Variants in PIEZO2 observed in about 807,000 individuals in gnomAD.
PIEZO2 encodes piezo type mechanosensitive ion channel component 2.
PIEZO2 carries 172 observed loss-of-function variants against 337.3 expected under a neutral mutation model. The ratio of observed to expected loss-of-function variants is 0.51; its 90% CI spans 0.45 to 0.58. PIEZO2 has a LOEUF of 0.58. PIEZO2 is among the 20% of genes least tolerant of loss of function. The pLI, the probability that PIEZO2 is intolerant of heterozygous loss-of-function variation, is 0.00. For missense variants in PIEZO2, 3,028 were observed against 3,391.3 expected (o/e 0.89, Z 2.66); for synonymous variants, 1,251 against 1,228.5 (o/e 1.02, Z -0.38).
At chr18:10,796,456 T>C (rs1330649260) in intron 12 of PIEZO2, among the ~76,000 whole-genome samples, 2 of 152,152 alleles carry the variant, frequency 1.3e-5, no homozygotes, top group Non-Finnish European at 2.9e-5. Flanking sequence ...TCTCACTATC[T>C]GAAACGAATA....
intron 1 of PIEZO2, among the ~76,000 whole-genome samples, chr18:11,103,255 T>C (rs2039471145): frequency 6.6e-6 from 1 of 152,214 alleles, no homozygotes; most frequent in Non-Finnish European, 1.5e-5. Flanking sequence ...ATACAATAAT[T>C]TTGATGACCT....
chr18:11,025,274 C>G (rs1285011653), intron 2 of PIEZO2, among the ~76,000 whole-genome samples: 1 of 152,106 alleles, frequency 6.6e-6, no homozygotes, highest in African/African-American at 2.4e-5. Flanking sequence ...GTGTCTTTTA[C>G]AAAGTGAGTC....
intron 1 of PIEZO2, among the ~76,000 whole-genome samples, chr18:11,137,982 T>A (rs1311478310): frequency 1.3e-5 from 2 of 152,104 alleles, no homozygotes; most frequent in Non-Finnish European, 2.9e-5. Context: ...TAAAAGGTGT[T>A]AATTGCCATC....
At position 11,116,586 on chromosome 18, in the gene PIEZO2, G is replaced by A. The variant is rs186901178; in HGVS notation, c.64+31939C>T. Among the ~76,000 whole-genome samples, 2,761 of 152,144 alleles carry A rather than the reference G, an allele frequency of 0.018. 37 individuals carry two copies. The highest frequency in any genetic ancestry group is 0.028 in the Non-Finnish European group (1,888 of 67,986). ...AAAAATTAGCCGGGCGTGGTGGCGGGGGGCCTGTAGTCCCAGCTACTCGGG... is the reference window on the plus strand; with the variant it reads ...AAAAATTAGCCGGGCGTGGTGGCGGAGGGCCTGTAGTCCCAGCTACTCGGG... On this transcript the variant is annotated intron_variant, in intron 1 of 55. Coordinates refer to ENST00000674853, the MANE Select transcript of PIEZO2 (RefSeq NM_001378183.1). The surrounding 1 kb of genome is among the most constrained non-coding windows in gnomAD (Gnocchi z 5.0).
intron 2 of PIEZO2, among the ~76,000 whole-genome samples, chr18:11,062,795 C>G (rs1393156467): frequency 6.6e-6 from 1 of 152,130 alleles, no homozygotes; most frequent in Non-Finnish European, 1.5e-5. Flanking sequence ...AATAGGAACA[C>G]TTTTACACTG....
rs1240209430 is a variant in PIEZO2, at chr18:11,028,210, C to T, written c.160+37917G>A. ...AGTAAGGAAGCTAGGCTTTTCTGTA[C>T]ATCGCCTTCTTTCTTTTCTTTTCTT... On this transcript the variant is annotated intron_variant, in intron 2 of 55. Coordinates refer to ENST00000674853, the MANE Select transcript of PIEZO2 (RefSeq NM_001378183.1). The surrounding 1 kb of genome is among the most constrained non-coding windows in gnomAD (Gnocchi z 4.8). Among the ~76,000 whole-genome samples, 1 of 152,166 alleles carries T rather than the reference C, an allele frequency of 6.6e-6. No homozygotes were observed. Among genetic ancestry groups the T allele is most frequent in the South Asian group, 2.1e-4 (1 of 4,826 alleles).
Position 11,132,050 on chromosome 18 carries a change from T to G in PIEZO2, c.64+16475A>C, listed in dbSNP as rs911620583. Among the ~76,000 whole-genome samples the G allele has an allele frequency of 1.2e-4, 19 of 152,174 alleles. No individual in the cohort carries two copies. Among genetic ancestry groups the G allele is most frequent in the Admixed American group, 5.9e-4 (9 of 15,288 alleles). On this transcript the variant is annotated intron_variant, in intron 1 of 55. Coordinates refer to ENST00000674853, the MANE Select transcript of PIEZO2 (RefSeq NM_001378183.1). This position sits in a 1 kb window ranked among gnomAD's most constrained non-coding sequence, Gnocchi z 4.7. ...AGAGACCAATACTGAGCCCTCGATA[T>G]GTCACCTTTCCTCAGGGTGATCAGC...
intron 8 of PIEZO2, among the ~76,000 whole-genome samples, chr18:10,806,062 T>C (rs1352895307): frequency 6.6e-6 from 1 of 152,232 alleles, no homozygotes; most frequent in African/African-American, 2.4e-5. Flanking sequence ...TCAGATCCAG[T>C]TGGCCTTCCA....
intron 2 of PIEZO2, among the ~76,000 whole-genome samples, chr18:10,990,674 A>G (rs1160899943): frequency 6.6e-6 from 1 of 151,442 alleles, no homozygotes; most frequent in Non-Finnish European, 1.5e-5. Context: ...TGCTCAATAT[A>G]TGTATATTAT....
At position 10,833,591 on chromosome 18, in the gene PIEZO2, C is replaced by T. The variant is rs111958484; in HGVS notation, c.917+21762G>A. 2.1e-3 allele frequency among the ~76,000 whole-genome samples: 323 copies of T among 152,342 alleles called. 1 individual carries two copies. Among genetic ancestry groups the T allele is most frequent in the African/African-American group, 7.1e-3 (297 of 41,582 alleles). On this transcript the variant is annotated intron_variant, in intron 7 of 55. Transcript: ENST00000674853. This position sits in a 1 kb window ranked among gnomAD's most constrained non-coding sequence, Gnocchi z 4.7. ...TGTACAGCCCAAACTGCACCTGAAC[C>T]ACGCAAGCTGTGAGGACCTCACCTC...
chr18:11,054,940 G>A (rs1206187114), intron 2 of PIEZO2, among the ~76,000 whole-genome samples: 1 of 152,106 alleles, frequency 6.6e-6, no homozygotes, highest in African/African-American at 2.4e-5. Context: ...AGCCAGGCAC[G>A]GTGGCTCACG....
rs2035631524 is a variant in PIEZO2, at chr18:10,707,447, C to T, written c.5588+828G>A. ...TGCAGGGATGCACCGAGATACACGG[C>T]TGCCAGTGAAAAGAAGATGCCCTCT... On this transcript the variant is annotated intron_variant, in intron 40 of 55. Coordinates refer to ENST00000674853, the MANE Select transcript of PIEZO2 (RefSeq NM_001378183.1). The surrounding 1 kb of genome is among the most constrained non-coding windows in gnomAD (Gnocchi z 4.2). Among the ~76,000 whole-genome samples the T allele has an allele frequency of 6.6e-6, 1 of 152,146 alleles. No homozygotes were observed. Among genetic ancestry groups the T allele is most frequent in the African/African-American group, 2.4e-5 (1 of 41,434 alleles).
rs78239201 is a variant in PIEZO2, at chr18:10,962,158, C to T, written c.286+17377G>A. 0.019 allele frequency among the ~76,000 whole-genome samples: 2,822 copies of T among 152,222 alleles called. 104 individuals are homozygous for T. The highest frequency in any genetic ancestry group is 0.064 in the African/African-American group (2,644 of 41,526). ...ATTCTACTGATCCTCAAAACTGCCACTGAATTAGAATTATTTCCAGATGCT... is the reference window on the plus strand; with the variant it reads ...ATTCTACTGATCCTCAAAACTGCCATTGAATTAGAATTATTTCCAGATGCT... On this transcript the variant is annotated intron_variant, in intron 3 of 55. Coordinates refer to ENST00000674853, the MANE Select transcript of PIEZO2 (RefSeq NM_001378183.1). The surrounding 1 kb of genome is among the most constrained non-coding windows in gnomAD (Gnocchi z 4.1).
chr18:10,904,021 T>C (rs539217822), intron 4 of PIEZO2, among the ~76,000 whole-genome samples: 9 of 152,352 alleles, frequency 5.9e-5, no homozygotes, highest in Admixed American at 3.9e-4. Context: ...TTTCAAGTGA[T>C]TGAACTAAAT....
intron 2 of PIEZO2, among the ~76,000 whole-genome samples, chr18:11,004,036 A>G (rs553126409): frequency 6.6e-6 from 1 of 152,180 alleles, no homozygotes; most frequent in Non-Finnish European, 1.5e-5. Flanking sequence ...AGGCCTGAGA[A>G]GGGGTAGGGA....
chr18:11,108,400 G>A (rs1317744758), intron 1 of PIEZO2, among the ~76,000 whole-genome samples: 1 of 152,002 alleles, frequency 6.6e-6, no homozygotes, highest in Non-Finnish European at 1.5e-5. Context: ...CAGATCACGA[G>A]GTCAGGAGAT....
At chr18:11,007,840 A>G (rs918086153) in intron 2 of PIEZO2, among the ~76,000 whole-genome samples, 2 of 152,200 alleles carry the variant, frequency 1.3e-5, no homozygotes, top group East Asian at 3.8e-4. Flanking sequence ...ATCCAGAAGG[A>G]TTTACAGCCA....
rs555428168 is a variant in PIEZO2, at chr18:10,862,913, A to C, written c.493-5702T>G. Among the ~76,000 whole-genome samples the C allele has an allele frequency of 1.1e-4, 17 of 152,310 alleles. No individual in the cohort carries two copies. Among genetic ancestry groups the C allele is most frequent in the Non-Finnish European group, 5.9e-5 (4 of 68,026 alleles). On this transcript the variant is annotated intron_variant, in intron 5 of 55. Transcript: ENST00000674853. This position sits in a 1 kb window ranked among gnomAD's most constrained non-coding sequence, Gnocchi z 4.4. ...ACTCCCTTATTTGGAAAATAGATTG[A>C]AATAAATTATCTCTGGAACCTCCTT... is the stretch of plus-strand genomic sequence containing the variant.
intron 2 of PIEZO2, 61 bp downstream of exon 2, chr18:11,066,066 G>C: frequency 7.3e-7 from 1 of 1,362,112 alleles, no homozygotes; most frequent in Middle Eastern, 1.8e-4. Flanking sequence ...ATCCCAAGGA[G>C]CCCAGCAAAA....
Sources: gnomAD v4.1 joint callset for allele counts (sites outside exome capture counted in the v4.1 genomes callset) on GRCh38, gnomAD v4.1.1 for gene constraint, Gnocchi (gnomAD v3.1) non-coding constraint, MANE v1.5 for transcripts, NCBI Gene and HGNC (gene_info 2026-07-23, HGNC 2026-07-21) for gene names.